SLC10A7: variants seen among roughly 807,000 people sequenced by gnomAD.
SLC10A7 encodes the protein solute carrier family 10 member 7.
In SLC10A7, 29 loss-of-function variants were observed where a neutral mutation model predicts 43.2. That is an observed-to-expected ratio of 0.67 (90% CI 0.50 to 0.92). The LOEUF is 0.92. Ranked by LOEUF, SLC10A7 falls within the 40% of genes least tolerant of loss-of-function variation. The probability of loss-of-function intolerance (pLI) is 0.00; values close to 1 mark genes in which losing one functional copy is unlikely to be tolerated. For synonymous variants in SLC10A7, 152 were observed against 144.8 expected, an observed-to-expected ratio of 1.05 and a Z score of -0.35; for missense variants, 295 against 403.2, an observed-to-expected ratio of 0.73 and a Z score of 2.30.
intron 4 of SLC10A7, among the ~76,000 whole-genome samples, chr4:146,444,276 G>A (rs1487518939): frequency 1.3e-5 from 2 of 152,110 alleles, no homozygotes; most frequent in Non-Finnish European, 1.5e-5. Context: ...CCTATTTTGT[G>A]CTTAAAACAG....
chr4:146,334,252 G>A (rs1733729830), intron 5 of SLC10A7, among the ~76,000 whole-genome samples: 1 of 152,136 alleles, frequency 6.6e-6, no homozygotes, highest in African/African-American at 2.4e-5. Context: ...GGTCTGGACA[G>A]TGAAAACAGC....
intron 10 of SLC10A7, among the ~76,000 whole-genome samples, chr4:146,264,459 CCATTCATT>C (rs139509340): frequency 2.0e-4 from 30 of 152,104 alleles, no homozygotes; most frequent in Admixed American, 3.3e-4. Flanking sequence ...TATGTTCCTA[CCATTCATT>C]CATTCATTCA....
At chr4:146,380,901 T>C (rs915016856) in intron 5 of SLC10A7, among the ~76,000 whole-genome samples, 3 of 152,176 alleles carry the variant, frequency 2.0e-5, no homozygotes, top group African/African-American at 7.2e-5. Context: ...ATAATTTAGA[T>C]ATAGATATAC....
intron 4 of SLC10A7, among the ~76,000 whole-genome samples, chr4:146,477,090 G>A (rs74335527): frequency 0.05 from 7,585 of 152,236 alleles, 256 homozygotes; most frequent in South Asian, 0.18. Flanking sequence ...TTTCCTCAAG[G>A]AATTAAAAGA....
In SLC10A7 at chr4:146,292,967, C is replaced by T. The variant is rs769001734; in HGVS notation, c.735G>A (p.Gln245=). ...TGAAAGTTAAAAGCATAAAACTCAG[C>T]TGGATAGAAAATACTGAAGAAAAAA... ...VLILFIIFSI[Q]LSFMLLTFIF... Residue 245 remains glutamine, a synonymous_variant, in exon 9 of 12, where the codon CAG becomes CAA. Transcript: ENST00000335472. 7.6e-6 allele frequency: 12 copies of T among 1,588,804 alleles called. No individual in the cohort carries two copies. Among genetic ancestry groups the T allele is most frequent in the Non-Finnish European group, 1.0e-5 (12 of 1,161,334 alleles).
intron 5 of SLC10A7, among the ~76,000 whole-genome samples, chr4:146,350,357 C>A (rs1456045196): frequency 6.7e-6 from 1 of 149,816 alleles, no homozygotes; most frequent in Non-Finnish European, 1.5e-5. Flanking sequence ...GAGACTATAT[C>A]CCACACCTGG....
At chr4:146,344,402 G>A in intron 5 of SLC10A7, among the ~76,000 whole-genome samples, 1 of 152,054 alleles carries the variant, frequency 6.6e-6, no homozygotes, top group East Asian at 1.9e-4. Flanking sequence ...AGCAGAACTA[G>A]GTTAGAGCCA....
intron 2 of SLC10A7, among the ~76,000 whole-genome samples, chr4:146,510,346 G>T (rs950132055): frequency 6.6e-6 from 1 of 150,534 alleles, no homozygotes; most frequent in Non-Finnish European, 1.5e-5. Context: ...TGCAACCTCC[G>T]TCCCCCAGTT....
intron 5 of SLC10A7, among the ~76,000 whole-genome samples, chr4:146,335,088 C>T (rs567608429): frequency 2.3e-4 from 35 of 151,632 alleles, no homozygotes; most frequent in Non-Finnish European, 4.3e-4. Context: ...ATGTGGATGG[C>T]TGGATGTCAG....
chr4:146,309,508 T>A (rs372574902), intron 6 of SLC10A7, among the ~76,000 whole-genome samples: 1 of 152,140 alleles, frequency 6.6e-6, no homozygotes, highest in South Asian at 2.1e-4. Context: ...TTTAACAAGA[T>A]GCCCAGTGAT....
chr4:146,312,301 A>G lies in SLC10A7; in HGVS notation c.472-6292T>C, dbSNP rs1378694629. Among the ~76,000 whole-genome samples the G allele has an allele frequency of 2.0e-5, 3 of 152,238 alleles. No individual in the cohort carries two copies. The South Asian group carries it at 6.2e-4, about 32-fold the overall frequency. ...GTTCTTTTCTTAGTTTTATTGAGGT[A>G]TAATTGACAAAGATTGTATCTATTC... is the stretch of plus-strand genomic sequence containing the variant. On this transcript the variant is annotated intron_variant, in intron 6 of 11. Transcript: ENST00000335472.
Position 146,328,617 on chromosome 4 carries a change from A to G in SLC10A7, c.436-2621T>C, listed in dbSNP as rs911552648. 6.6e-5 allele frequency among the ~76,000 whole-genome samples: 10 copies of G among 152,016 alleles called. No individual in the cohort carries two copies. The South Asian group carries it at 8.3e-4, about 13-fold the overall frequency. On this transcript the variant is annotated intron_variant, in intron 5 of 11. Transcript: ENST00000335472. ...GGATAGGTCCACTCTGCACTCCACCACCACCTCTGGGGTCCATGGACTGGA... is the reference window on the plus strand; with the variant it reads ...GGATAGGTCCACTCTGCACTCCACCGCCACCTCTGGGGTCCATGGACTGGA...
At chr4:146,415,075 A>T (rs1728473106) in intron 5 of SLC10A7, among the ~76,000 whole-genome samples, 1 of 152,210 alleles carries the variant, frequency 6.6e-6, no homozygotes, top group Non-Finnish European at 1.5e-5. Flanking sequence ...GAAAAACAGA[A>T]GAGGAAATCT....
intron 5 of SLC10A7, among the ~76,000 whole-genome samples, chr4:146,428,745 C>G (rs1334758604): frequency 6.6e-6 from 1 of 151,990 alleles, no homozygotes; most frequent in African/African-American, 2.4e-5. Context: ...ATGTATTTCA[C>G]AAGTAGATAA....
chr4:146,516,922 A>G lies in SLC10A7; in HGVS notation c.183+116T>C, dbSNP rs146485691. 2.3e-4 allele frequency: 170 copies of G among 728,176 alleles called. No homozygotes were observed. The African/African-American group carries it at 2.7e-3, about 11-fold the overall frequency. 45.1% of individuals were successfully genotyped at this position (728,176 alleles called of 1,614,324 possible). The stretch of plus-strand genomic sequence containing the variant: ...TTTGCCGACCAAGTTATCTTCTGCT[A>G]TAGTGAATCCTTCAGATTATAGCTA... On this transcript the variant is annotated intron_variant, in intron 2 of 11. Transcript: ENST00000335472.
intron 5 of SLC10A7, among the ~76,000 whole-genome samples, chr4:146,349,969 C>A (rs1055952726): frequency 6.6e-6 from 1 of 151,956 alleles, no homozygotes; most frequent in Non-Finnish European, 1.5e-5. Flanking sequence ...TGTACATGTA[C>A]CCCCACAAAT....
At chr4:146,304,057 A>C (rs749661671) in intron 7 of SLC10A7, among the ~76,000 whole-genome samples, 38 of 63,392 alleles carry the variant, frequency 6.0e-4, no homozygotes, top group Non-Finnish European at 8.4e-4. Context: ...GCATCCTATG[A>C]TTTCATAGAA....
chr4:146,507,315 A>C (rs1737006057), intron 3 of SLC10A7, among the ~76,000 whole-genome samples: 1 of 152,170 alleles, frequency 6.6e-6, no homozygotes, highest in Non-Finnish European at 1.5e-5. Context: ...TAATCCCAGC[A>C]CTTTGGGAGG....
At chr4:146,295,083 G>A (rs1730688073) in intron 7 of SLC10A7, among the ~76,000 whole-genome samples, 1 of 152,120 alleles carries the variant, frequency 6.6e-6, no homozygotes, top group Non-Finnish European at 1.5e-5. Flanking sequence ...CTGTCATCAG[G>A]TACTCTGTCA....
Sources: allele counts gnomAD v4.1 joint callset (sites outside exome capture counted in the v4.1 genomes callset), GRCh38; gene constraint gnomAD v4.1.1; transcripts MANE v1.5; gene names NCBI Gene and HGNC (gene_info 2026-07-23, HGNC 2026-07-21).